MYT1L: variants seen among roughly 807,000 people sequenced by gnomAD.
MYT1L encodes the protein myelin transcription factor 1 like.
A neutral mutation model predicts 126.7 loss-of-function variants in MYT1L; 12 were observed. The observed-to-expected ratio is 0.09, with a 90% CI of 0.06 to 0.15. The LOEUF (loss-of-function observed/expected upper bound fraction) is 0.15, where lower values mean the gene tolerates loss of function less well. Among genes scored for constraint, MYT1L ranks in the 10% least tolerant of loss-of-function variants. The pLI, the probability that MYT1L is intolerant of heterozygous loss-of-function variation, is 1.00. For missense variants in MYT1L, 979 were observed against 1,585.2 expected (o/e 0.62, Z 6.49); for synonymous variants, 541 against 604.2 (o/e 0.90, Z 1.53).
intron 3 of MYT1L, among the ~76,000 whole-genome samples, chr2:2,108,545 A>G (rs2079021297): frequency 6.6e-6 from 1 of 152,216 alleles, no homozygotes; most frequent in Non-Finnish European, 1.5e-5. Context: ...AGACCTTCAA[A>G]TATCTTTGAA....
chr2:1,791,653 C>G lies in MYT1L; in HGVS notation c.*214G>C. On this transcript the variant is annotated 3_prime_UTR_variant, in exon 25 of 25. Transcript: ENST00000647738. The surrounding 1 kb of genome is among the most constrained non-coding windows in gnomAD (Gnocchi z 6.0). ...ATTACATGGCAGAACACTATGTCAG[C>G]TTACATGGAAACGTACAAAATGTGG... 1.9e-6 allele frequency: 1 copy of G among 514,608 alleles called. No individual in the cohort carries two copies. The highest frequency in any genetic ancestry group is 3.4e-6 in the Non-Finnish European group (1 of 296,666). The allele number at this position is 514,608 out of a possible 1,614,324, so 31.9% of individuals were successfully genotyped here.
intron 2 of MYT1L, among the ~76,000 whole-genome samples, chr2:2,234,141 T>C (rs1038797071): frequency 2.0e-5 from 3 of 152,252 alleles, no homozygotes; most frequent in African/African-American, 7.2e-5. Context: ...GTCTCTTTAA[T>C]GTACACTCAT....
intron 3 of MYT1L, among the ~76,000 whole-genome samples, chr2:2,169,766 C>T (rs1364207968): frequency 1.3e-5 from 2 of 152,148 alleles, no homozygotes; most frequent in East Asian, 1.9e-4. Flanking sequence ...CTCTGCCCCA[C>T]GGACTGCTGA....
At chr2:2,282,552 A>T (rs1270902460) in intron 2 of MYT1L, among the ~76,000 whole-genome samples, 1 of 152,186 alleles carries the variant, frequency 6.6e-6, no homozygotes, top group Non-Finnish European at 1.5e-5. Flanking sequence ...AAAGCTTCAA[A>T]ATGTATATAG....
chr2:2,255,512 G>A (rs550094743), intron 2 of MYT1L, among the ~76,000 whole-genome samples: 2 of 152,138 alleles, frequency 1.3e-5, no homozygotes, highest in African/African-American at 4.8e-5. Context: ...ATCATTCTAC[G>A]ATTTTCACTG....
At chr2:2,038,743 G>C (rs1249878730) in intron 4 of MYT1L, among the ~76,000 whole-genome samples, 1 of 152,032 alleles carries the variant, frequency 6.6e-6, no homozygotes, top group Non-Finnish European at 1.5e-5. Flanking sequence ...GGTCACAGGT[G>C]GTGAGGCCCT....
intron 1 of MYT1L, among the ~76,000 whole-genome samples, chr2:2,321,624 G>A (rs1276904031): frequency 6.6e-6 from 1 of 152,106 alleles, no homozygotes; most frequent in Non-Finnish European, 1.5e-5. Flanking sequence ...TATGCATTTA[G>A]GTTGAGATAA....
chr2:2,236,697 G>A (rs187769969), intron 2 of MYT1L, among the ~76,000 whole-genome samples: 4 of 148,272 alleles, frequency 2.7e-5, no homozygotes, highest in Non-Finnish European at 3.0e-5. Context: ...TACATCACAC[G>A]GCACATTCCA....
At chr2:2,166,625 A>G (rs538895991) in intron 3 of MYT1L, among the ~76,000 whole-genome samples, 166 of 152,336 alleles carry the variant, frequency 1.1e-3, no homozygotes, top group Non-Finnish European at 1.8e-3. Context: ...GTGAGGATAC[A>G]TTAGATTGGT....
chr2:2,014,556 G>A (rs973116438), intron 4 of MYT1L, among the ~76,000 whole-genome samples: 2 of 152,198 alleles, frequency 1.3e-5, no homozygotes, highest in Non-Finnish European at 2.9e-5. Context: ...GGGAGCACAG[G>A]CGTCTGCTTG....
intron 13 of MYT1L, among the ~76,000 whole-genome samples, chr2:1,904,332 G>C (rs1164374924): frequency 3.3e-5 from 5 of 152,084 alleles, no homozygotes; most frequent in African/African-American, 1.2e-4. Flanking sequence ...TGAAGAGCTG[G>C]TCAGGTTTTG....
At chr2:2,037,492 A>G (rs2066992000) in intron 4 of MYT1L, among the ~76,000 whole-genome samples, 1 of 150,570 alleles carries the variant, frequency 6.6e-6, no homozygotes, top group Non-Finnish European at 1.5e-5. Context: ...ACGGCGGCTC[A>G]TGCCTGTAAT....
intron 19 of MYT1L, among the ~76,000 whole-genome samples, chr2:1,850,205 TTCCTTCCTTCCTTCCTTCCTTCCTTC>T (rs2043069294): frequency 6.0e-5 from 2 of 33,496 alleles, no homozygotes; most frequent in Admixed American, 5.6e-4. Context: ...CCTTCCTTCC[TTCCTTCCTTCCTTCCTTCCTTCCTTC>T]CTTCCTTCCT....
At chr2:2,181,019 T>C (rs1489845597) in intron 2 of MYT1L, among the ~76,000 whole-genome samples, 2 of 151,354 alleles carry the variant, frequency 1.3e-5, no homozygotes, top group African/African-American at 4.9e-5. Context: ...TGTGTGCACC[T>C]GTATCTGTAC....
Position 1,806,024 on chromosome 2 carries a change from G to T in MYT1L, c.3172+3052C>A, listed in dbSNP as rs1558608452. ...CCCTGAAGAGCATCAGGAATTGGAT[G>T]CTGTGCCTCTGTCCCCTGAAGAGCC... On this transcript the variant is annotated intron_variant, in intron 22 of 24. Coordinates refer to ENST00000647738, the MANE Select transcript of MYT1L (RefSeq NM_001303052.2). The surrounding 1 kb of genome is among the most constrained non-coding windows in gnomAD (Gnocchi z 4.9). Among the ~76,000 whole-genome samples, 1 of 139,232 alleles carries T rather than the reference G, an allele frequency of 7.2e-6. No homozygotes were observed. The allele number at this position is 139,232 out of a possible 152,430, so 91.3% of individuals were successfully genotyped here.
intron 18 of MYT1L, among the ~76,000 whole-genome samples, chr2:1,869,662 AC>A (rs1442355508): frequency 6.6e-6 from 1 of 152,184 alleles, no homozygotes; most frequent in African/African-American, 2.4e-5. Context: ...TCTAGTGATT[AC>A]CTACGGTTTG....
At chr2:2,083,566 T>C (rs1409945966) in intron 3 of MYT1L, among the ~76,000 whole-genome samples, 1 of 152,232 alleles carries the variant, frequency 6.6e-6, no homozygotes, top group Non-Finnish European at 1.5e-5. Context: ...TGCAAGGCGA[T>C]TCACTCTATA....
chr2:2,158,595 C>A lies in MYT1L; in HGVS notation c.-304+14277G>T, dbSNP rs557068967. On this transcript the variant is annotated intron_variant, in intron 3 of 24. Transcript: ENST00000647738. ...CTCTTTATTCAGTCACAGTTCTGCT[C>A]CTCTCTCTCCTCCCATGGCATAAAC... is the stretch of plus-strand genomic sequence containing the variant. Among the ~76,000 whole-genome samples the A allele has an allele frequency of 2.0e-5, 3 of 151,180 alleles. No individual in the cohort carries two copies. In the East Asian group the frequency reaches 5.8e-4, roughly 29 times the overall value.
chr2:2,005,356 C>CAT, intron 4 of MYT1L, among the ~76,000 whole-genome samples: 1 of 140,318 alleles, frequency 7.1e-6, no homozygotes, highest in South Asian at 2.4e-4. Flanking sequence ...TTCCTGCATG[C>CAT]GTTCTTTCCT....
Sources: gnomAD v4.1 joint callset for allele counts (sites outside exome capture counted in the v4.1 genomes callset) on GRCh38, gnomAD v4.1.1 for gene constraint, Gnocchi (gnomAD v3.1) non-coding constraint, MANE v1.5 for transcripts, NCBI Gene and HGNC (gene_info 2026-07-23, HGNC 2026-07-21) for gene names.